The following RTN1 variants were observed in gnomAD, a reference collection of about 807,000 sequenced individuals.
RTN1 encodes the protein reticulon 1.
A neutral mutation model predicts 65.5 loss-of-function variants in RTN1; 25 were observed. The ratio of observed to expected loss-of-function variants is 0.38; its 90% CI spans 0.28 to 0.53. The LOEUF is 0.53. Among genes scored for constraint, RTN1 ranks in the 20% least tolerant of loss-of-function variants. The pLI, the probability that RTN1 is intolerant of heterozygous loss-of-function variation, is 0.79. For synonymous variants in RTN1, 471 were observed against 447.6 expected (o/e 1.05, Z -0.66); for missense variants, 983 against 1,025.4 (o/e 0.96, Z 0.57).
At position 59,849,291 on chromosome 14, in the gene RTN1, T is replaced by C. The variant is rs994840309; in HGVS notation, c.241+21099A>G. 2.6e-5 allele frequency among the ~76,000 whole-genome samples: 4 copies of C among 152,214 alleles called. No homozygotes were observed. Among genetic ancestry groups the C allele is most frequent in the African/African-American group, 9.6e-5 (4 of 41,456 alleles). On this transcript the variant is annotated intron_variant, in intron 1 of 8. Coordinates refer to ENST00000267484, the MANE Select transcript of RTN1 (RefSeq NM_021136.3). This position sits in a 1 kb window ranked among gnomAD's most constrained non-coding sequence, Gnocchi z 4.5. Reference sequence around the variant, plus strand: ...TACATGTCAACTTCTTTCTCTTTTATCTATTTCCTCTCTTTTCCTTAACTA... The same window carrying C: ...TACATGTCAACTTCTTTCTCTTTTACCTATTTCCTCTCTTTTCCTTAACTA...
In RTN1 at chr14:59,774,449, G is replaced by T. The variant is rs1007091068; in HGVS notation, c.242-27968C>A. ...CCTGCTGTTCTAGCTGTGTCAACACGGGCAAAATTGAGAGCTGAAGTAATT... is the reference window on the plus strand; with the variant it reads ...CCTGCTGTTCTAGCTGTGTCAACACTGGCAAAATTGAGAGCTGAAGTAATT... On this transcript the variant is annotated intron_variant, in intron 1 of 8. Transcript: ENST00000267484. This position sits in a 1 kb window ranked among gnomAD's most constrained non-coding sequence, Gnocchi z 5.1. Among the ~76,000 whole-genome samples, 1 of 152,200 alleles carries T rather than the reference G, an allele frequency of 6.6e-6. No individual in the cohort carries two copies. Among genetic ancestry groups the T allele is most frequent in the South Asian group, 2.1e-4 (1 of 4,820 alleles).
intron 1 of RTN1, among the ~76,000 whole-genome samples, chr14:59,771,137 T>C (rs1885950068): frequency 6.6e-6 from 1 of 152,198 alleles, no homozygotes; most frequent in South Asian, 2.1e-4. Flanking sequence ...GAACATGATC[T>C]GTATTACCTC....
In RTN1 at chr14:59,600,704, G is replaced by A. The variant is rs375003787; in HGVS notation, c.2288+2361C>T. ...TAGTGAGAACCATGTGACTTGCCTA[G>A]TTTCTCTTTTTGTCCTAGCTACCAG... On this transcript the variant is annotated intron_variant, in intron 8 of 8. Transcript: ENST00000267484. Among the ~76,000 whole-genome samples, 24 of 152,266 alleles carry A rather than the reference G, an allele frequency of 1.6e-4. No individual in the cohort carries two copies. The East Asian group carries it at 3.5e-3, about 22-fold the overall frequency.
intron 1 of RTN1, among the ~76,000 whole-genome samples, chr14:59,791,473 C>T (rs539830818): frequency 1.3e-5 from 2 of 152,274 alleles, no homozygotes; most frequent in East Asian, 1.9e-4. Context: ...TCTCATTCCC[C>T]GTTTGACAAG....
Position 59,829,973 on chromosome 14 carries a change from T to TA in RTN1, c.241+40416dup, listed in dbSNP as rs1195086521. Among the ~76,000 whole-genome samples the TA allele has an allele frequency of 1.3e-5, 2 of 152,184 alleles. No homozygotes were observed. Among genetic ancestry groups the TA allele is most frequent in the Non-Finnish European group, 2.9e-5 (2 of 68,028 alleles). On this transcript the variant is annotated intron_variant, in intron 1 of 8. Coordinates refer to ENST00000267484, the MANE Select transcript of RTN1 (RefSeq NM_021136.3). This position sits in a 1 kb window ranked among gnomAD's most constrained non-coding sequence, Gnocchi z 4.3. ...ATTGGGGTTTGAGAGTTTTTTATTT[T>TA]AAAAAAATAGCATGTATTTTTGGGT... is the stretch of plus-strand genomic sequence containing the variant.
chr14:59,748,191 G>A (rs997777113), intron 1 of RTN1, among the ~76,000 whole-genome samples: 11 of 144,880 alleles, frequency 7.6e-5, no homozygotes, highest in African/African-American at 2.6e-4. Flanking sequence ...GCTTTGCCCC[G>A]ATTAAGTCAG....
chr14:59,760,290 C>A (rs1885723307), intron 1 of RTN1, among the ~76,000 whole-genome samples: 1 of 151,978 alleles, frequency 6.6e-6, no homozygotes, highest in Non-Finnish European at 1.5e-5. Context: ...AATACTAACT[C>A]TCATGTAAGA....
At chr14:59,714,350 G>C (rs1300092880) in intron 3 of RTN1, among the ~76,000 whole-genome samples, 4 of 151,936 alleles carry the variant, frequency 2.6e-5, no homozygotes, top group Non-Finnish European at 5.9e-5. Context: ...TATCCCATTA[G>C]AATAATGCTG....
At position 59,727,694 on chromosome 14, in the gene RTN1, G is replaced by T; in HGVS notation, c.1016-26C>A. 1 of 1,561,014 alleles carries T rather than the reference G, an allele frequency of 6.4e-7. No homozygotes were observed. The stretch of plus-strand genomic sequence containing the variant: ...CTGTCGTCCCACAGAGCGAAGGAGA[G>T]CCACGGAGGCACACACACGGACAGA... On this transcript the variant is annotated intron_variant, in intron 2 of 8. Transcript: ENST00000267484. This position sits in a 1 kb window ranked among gnomAD's most constrained non-coding sequence, Gnocchi z 4.2.
intron 8 of RTN1, among the ~76,000 whole-genome samples, chr14:59,598,561 A>G (rs1881480013): frequency 6.6e-6 from 1 of 152,164 alleles, no homozygotes; most frequent in African/African-American, 2.4e-5. Context: ...AGGGAGTTGG[A>G]CAAGAGGAAG....
chr14:59,809,746 C>T (rs936618827), intron 1 of RTN1, among the ~76,000 whole-genome samples: 6 of 152,110 alleles, frequency 3.9e-5, no homozygotes, highest in African/African-American at 7.2e-5. Flanking sequence ...TGGGCCCACA[C>T]GTGCAAAGCA....
intron 1 of RTN1, among the ~76,000 whole-genome samples, chr14:59,782,129 G>T (rs1478843738): frequency 1.3e-5 from 2 of 152,010 alleles, no homozygotes; most frequent in East Asian, 3.9e-4. Context: ...TCAGGAAATG[G>T]GTCCTCACCA....
intron 1 of RTN1, among the ~76,000 whole-genome samples, chr14:59,813,286 C>T (rs1886762013): frequency 6.6e-6 from 1 of 152,136 alleles, no homozygotes; most frequent in South Asian, 2.1e-4. Flanking sequence ...ATTTTCTAAT[C>T]CATCTAAAAA....
chr14:59,679,101 C>T (rs562691301), intron 3 of RTN1, among the ~76,000 whole-genome samples: 1 of 152,126 alleles, frequency 6.6e-6, no homozygotes, highest in Non-Finnish European at 1.5e-5. Flanking sequence ...AGACTGGGAA[C>T]AGGTAGGAAT....
chr14:59,687,039 T>A (rs983890951), intron 3 of RTN1, among the ~76,000 whole-genome samples: 12 of 152,188 alleles, frequency 7.9e-5, no homozygotes, highest in African/African-American at 2.9e-4. Flanking sequence ...GCTGGAATTG[T>A]GCTTTCTCCT....
intron 3 of RTN1, among the ~76,000 whole-genome samples, chr14:59,662,311 TC>T (rs1226248387): frequency 1.2e-5 from 1 of 84,738 alleles, no homozygotes. Flanking sequence ...CCTTCCCCCC[TC>T]CCCCCACCCC....
At chr14:59,703,479 T>A (rs905096440) in intron 3 of RTN1, among the ~76,000 whole-genome samples, 2 of 152,194 alleles carry the variant, frequency 1.3e-5, no homozygotes, top group African/African-American at 4.8e-5. Context: ...CATCTTCTGA[T>A]TGGAAGCTTC....
chr14:59,800,040 G>T lies in RTN1; in HGVS notation c.242-53559C>A, dbSNP rs533388919. On this transcript the variant is annotated intron_variant, in intron 1 of 8. Coordinates refer to ENST00000267484, the MANE Select transcript of RTN1 (RefSeq NM_021136.3). ...AAATTAATTTACTGGTGAAAGATGGGCAAGGAAAGAGAACCCCTCCGTGGC... is the reference window on the plus strand; with the variant it reads ...AAATTAATTTACTGGTGAAAGATGGTCAAGGAAAGAGAACCCCTCCGTGGC... 2.0e-5 allele frequency among the ~76,000 whole-genome samples: 3 copies of T among 152,280 alleles called. No individual in the cohort carries two copies. In the East Asian group the frequency reaches 5.8e-4, roughly 29 times the overall value.
chr14:59,843,994 T>C (rs140543206), intron 1 of RTN1, among the ~76,000 whole-genome samples: 219 of 152,300 alleles, frequency 1.4e-3, no homozygotes, highest in African/African-American at 4.9e-3. Context: ...ATTTGCTCCA[T>C]GAAAAAGGCT....
Sources: allele counts gnomAD v4.1 joint callset (sites outside exome capture counted in the v4.1 genomes callset), GRCh38; gene constraint gnomAD v4.1.1; non-coding constraint Gnocchi (gnomAD v3.1); transcripts MANE v1.5; gene names NCBI Gene and HGNC (gene_info 2026-07-23, HGNC 2026-07-21).